The following AXIN1 variants were observed in gnomAD, a reference collection of about 807,000 sequenced individuals.
AXIN1 encodes axin-1.
AXIN1 carries 30 observed loss-of-function variants against 76.4 expected under a neutral mutation model. The ratio of observed to expected loss-of-function variants is 0.39; its 90% CI spans 0.29 to 0.53. The LOEUF is 0.53. AXIN1 is among the 20% of genes least tolerant of loss of function. The probability of loss-of-function intolerance (pLI) is 0.66; values close to 1 mark genes in which losing one functional copy is unlikely to be tolerated. For synonymous variants in AXIN1, 545 were observed against 501.4 expected (o/e 1.09, Z -1.16); for missense variants, 1,140 against 1,198.8 (o/e 0.95, Z 0.72).
In AXIN1 at chr16:289,522, T is replaced by G. The variant is rs2052491920; in HGVS notation, c.2380A>C (p.Ile794Leu). 1 of 1,612,872 alleles carries G rather than the reference T, an allele frequency of 6.2e-7. No homozygotes were observed. The highest frequency in any genetic ancestry group is 1.3e-5 in the African/African-American group (1 of 74,936). Residue 794 changes from isoleucine to leucine, a missense_variant, in exon 10 of 11, where the codon ATC (isoleucine) becomes CTC (leucine). Transcript: ENST00000262320. The stretch of plus-strand genomic sequence containing the variant: ...CCCCTCACCAGGGTGCGGTAGGGGA[T>G]GGGTTCCCCGCAGAAGTAGTACGCC... The part of the protein sequence containing the change: ...VVAYYFCGEP[I>L]PYRTLVRGRA...
At chr16:302,175 C>T (rs866388895) in intron 5 of AXIN1, among the ~76,000 whole-genome samples, 18 of 152,238 alleles carry the variant, frequency 1.2e-4, no homozygotes, top group Admixed American at 3.3e-4. Context: ...AGGGACCACG[C>T]GGCACTGATG....
intron 2 of AXIN1, among the ~76,000 whole-genome samples, chr16:344,961 G>A (rs563340269): frequency 6.6e-6 from 1 of 152,334 alleles, no homozygotes; most frequent in East Asian, 1.9e-4. Context: ...TGCTTTCGGA[G>A]TCTTGATTAG....
chr16:348,636 C>T (rs2054080206), intron 1 of AXIN1, among the ~76,000 whole-genome samples: 1 of 152,074 alleles, frequency 6.6e-6, no homozygotes, highest in South Asian at 2.1e-4. Flanking sequence ...CCAATCTCTA[C>T]CAAAAAACAG....
intron 2 of AXIN1, among the ~76,000 whole-genome samples, chr16:336,026 G>C (rs900021768): frequency 1.3e-5 from 2 of 152,148 alleles, no homozygotes; most frequent in African/African-American, 2.4e-5. Flanking sequence ...CTTGAGGTCA[G>C]GAGTTCGAGA....
intron 2 of AXIN1, among the ~76,000 whole-genome samples, chr16:340,179 C>T (rs1410877612): frequency 1.3e-5 from 2 of 152,120 alleles, no homozygotes; most frequent in Non-Finnish European, 2.9e-5. Flanking sequence ...GGCTGGCTGC[C>T]CACCTCGAAA....
At position 321,690 on chromosome 16, in the gene AXIN1, T is replaced by C. The variant is rs937659705; in HGVS notation, c.879-7007A>G. On this transcript the variant is annotated intron_variant, in intron 2 of 10. Coordinates refer to ENST00000262320, the MANE Select transcript of AXIN1 (RefSeq NM_003502.4). ...TTAAACCCTCTCATAGCTGGGAATA[T>C]GAGGTAGAAGGCGGATGCCAACCCA... Among the ~76,000 whole-genome samples, 8 of 142,178 alleles carry C rather than the reference T, an allele frequency of 5.6e-5. No homozygotes were observed. The East Asian group carries it at 6.2e-4, about 11-fold the overall frequency. 93.3% of individuals were successfully genotyped at this position (142,178 alleles called of 152,430 possible).
Position 293,237 on chromosome 16 carries a change from C to A in AXIN1, c.2186+251G>T. On this transcript the variant is annotated intron_variant, in intron 8 of 10. Coordinates refer to ENST00000262320, the MANE Select transcript of AXIN1 (RefSeq NM_003502.4). This position sits in a 1 kb window ranked among gnomAD's most constrained non-coding sequence, Gnocchi z 4.6. ...AGACTGGGCTCAGGTTGAGGAGGGA[C>A]CCCGCCTCCAGAGCAATGAGCGCGG... The A allele has an allele frequency of 1.8e-6, 1 of 567,984 alleles. No homozygotes were observed. The highest frequency in any genetic ancestry group is 2.9e-5 in the East Asian group (1 of 34,312). The allele number at this position is 567,984 out of a possible 1,614,324, so 35.2% of individuals were successfully genotyped here. A position where few individuals can be genotyped will look rare whatever the true frequency, so the allele number is the denominator to read the frequency against.
In AXIN1 at chr16:347,005, A is replaced by T. The variant is rs1010610325; in HGVS notation, c.21T>A (p.Gly7=). The change falls in exon 2 of 11, where the codon GGT becomes GGA. Residue 7 remains glycine, a synonymous_variant. Coordinates refer to ENST00000262320, the MANE Select transcript of AXIN1 (RefSeq NM_003502.4). MNIQEQ[G]FPLDLGASFT... ...AACTTGCTCCGAGGTCCAAGGGGAA[A>T]CCCTGCTCTTGGATATTCATTTTGG... 3.1e-6 allele frequency: 5 copies of T among 1,614,152 alleles called. No homozygotes were observed. Among genetic ancestry groups the T allele is most frequent in the Non-Finnish European group, 4.2e-6 (5 of 1,180,022 alleles).
intron 2 of AXIN1, among the ~76,000 whole-genome samples, chr16:325,088 A>T (rs1242846241): frequency 6.6e-6 from 1 of 151,292 alleles, no homozygotes; most frequent in Non-Finnish European, 1.5e-5. Context: ...CGCCCCAGGA[A>T]ACCATGGCCT....
At position 334,768 on chromosome 16, in the gene AXIN1, T is replaced by C. The variant is rs1481658461; in HGVS notation, c.878+11380A>G. Among the ~76,000 whole-genome samples, 4 of 126,236 alleles carry C rather than the reference T, an allele frequency of 3.2e-5. No homozygotes were observed. In the East Asian group the frequency reaches 1.0e-3, roughly 32 times the overall value. The allele number at this position is 126,236 out of a possible 152,430, so 82.8% of individuals were successfully genotyped here. A position where few individuals can be genotyped will look rare whatever the true frequency, so the allele number is the denominator to read the frequency against. ...CACCTAGTACCACAACACACTAATA[T>C]CACAGCACCCAGTGCCACAGCATGC... On this transcript the variant is annotated intron_variant, in intron 2 of 10. Coordinates refer to ENST00000262320, the MANE Select transcript of AXIN1 (RefSeq NM_003502.4).
chr16:308,780 C>T (rs924721592), intron 4 of AXIN1, among the ~76,000 whole-genome samples: 1 of 152,218 alleles, frequency 6.6e-6, no homozygotes, highest in African/African-American at 2.4e-5. Flanking sequence ...ACAGTGTCAG[C>T]CACTTTTTGT....
At chr16:307,962 C>T (rs1308807529) in intron 4 of AXIN1, among the ~76,000 whole-genome samples, 1 of 152,208 alleles carries the variant, frequency 6.6e-6, no homozygotes, top group Non-Finnish European at 1.5e-5. Flanking sequence ...GCTGAGGGAC[C>T]TCCCACCGAA....
chr16:305,567 A>G (rs2052997158), intron 4 of AXIN1, among the ~76,000 whole-genome samples: 1 of 152,082 alleles, frequency 6.6e-6, no homozygotes, highest in South Asian at 2.1e-4. Context: ...TTTTTGAGAC[A>G]GGGTCTCGCT....
chr16:306,102 T>A (rs1450841787), intron 4 of AXIN1, among the ~76,000 whole-genome samples: 1 of 152,070 alleles, frequency 6.6e-6, no homozygotes, highest in Non-Finnish European at 1.5e-5. Flanking sequence ...ATCATCCCCT[T>A]ACCGGCAGGC....
At position 293,300 on chromosome 16, in the gene AXIN1, G is replaced by T; in HGVS notation, c.2186+188C>A. The T allele has an allele frequency of 1.6e-6, 1 of 636,558 alleles. No homozygotes were observed. Among genetic ancestry groups the T allele is most frequent in the Non-Finnish European group, 2.7e-6 (1 of 368,590 alleles). The allele number at this position is 636,558 out of a possible 1,614,324, so 39.4% of individuals were successfully genotyped here. ...TGTGAAAGCTCCAGCCCCAGCCTCC[G>T]TCCACCGCAGGGTGGCCTGCCACGT... On this transcript the variant is annotated intron_variant, in intron 8 of 10. Coordinates refer to ENST00000262320, the MANE Select transcript of AXIN1 (RefSeq NM_003502.4). The surrounding 1 kb of genome is among the most constrained non-coding windows in gnomAD (Gnocchi z 4.6).
chr16:351,380 T>G (rs2054139525), intron 1 of AXIN1, among the ~76,000 whole-genome samples: 1 of 152,220 alleles, frequency 6.6e-6, no homozygotes, highest in African/African-American at 2.4e-5. Context: ...TAGGCCAAAG[T>G]GGGCAGATCA....
At chr16:341,194 G>A (rs2053911073) in intron 2 of AXIN1, among the ~76,000 whole-genome samples, 1 of 152,266 alleles carries the variant, frequency 6.6e-6, no homozygotes, top group Non-Finnish European at 1.5e-5. Context: ...GCCCACCACT[G>A]CACTGTGGGA....
At chr16:347,604 T>C (rs1470493510) in intron 1 of AXIN1, among the ~76,000 whole-genome samples, 3 of 152,224 alleles carry the variant, frequency 2.0e-5, no homozygotes, top group Non-Finnish European at 4.4e-5. Flanking sequence ...CCGAAGGTGG[T>C]GGGCGTCTTC....
intron 2 of AXIN1, among the ~76,000 whole-genome samples, chr16:320,290 C>T (rs1308443489): frequency 2.6e-5 from 4 of 152,192 alleles, no homozygotes; most frequent in East Asian, 1.9e-4. Flanking sequence ...AAGTCATCTG[C>T]CCACCTCGGT....
Sources: gnomAD v4.1 joint callset for allele counts (sites outside exome capture counted in the v4.1 genomes callset) on GRCh38, gnomAD v4.1.1 for gene constraint, Gnocchi (gnomAD v3.1) non-coding constraint, MANE v1.5 for transcripts, NCBI Gene and HGNC (gene_info 2026-07-23, HGNC 2026-07-21) for gene names.